The following GPI variants were observed in gnomAD, a reference collection of about 807,000 sequenced individuals.
GPI encodes glucose-6-phosphate isomerase, also known as D-hexose-6-phosphate anomerase.
Under a neutral mutation model 75.8 loss-of-function variants are expected in GPI, and 56 were observed. That is an observed-to-expected ratio of 0.74 (90% confidence interval 0.60 to 0.92). GPI has a LOEUF of 0.92. Among genes scored for constraint, GPI ranks in the 40% least tolerant of loss-of-function variants. GPI has a pLI of 0.00. For synonymous variants in GPI, 288 were observed against 285.4 expected, an observed-to-expected ratio of 1.01 and a Z score of -0.09; for missense variants, 638 against 741.0, an observed-to-expected ratio of 0.86 and a Z score of 1.61.
chr19:34,379,474 G>T (rs200733942), intron 7 of GPI, 44 bp from the exon 8 acceptor site: 1 of 1,586,254 alleles, frequency 6.3e-7, no homozygotes, highest in South Asian at 1.1e-5. Flanking sequence ...ACTACCCTTT[G>T]TCTCCCTGGG....
At chr19:34,399,171 A>G (rs775796958) in intron 14 of GPI, 36 bp from the exon 15 acceptor site, 2 of 1,601,622 alleles carry the variant, frequency 1.2e-6, no homozygotes, top group African/African-American at 1.3e-5. Flanking sequence ...AAGCCCAGAC[A>G]GTGCTCTCAA....
intron 12 of GPI, 30 bp from the exon 13 acceptor site, chr19:34,396,271 C>T (rs1201519976): frequency 5.0e-6 from 8 of 1,613,106 alleles, no homozygotes; most frequent in Non-Finnish European, 8.5e-7. Context: ...TTTCATTTTG[C>T]CAAGAACTGG....
chr19:34,367,890 G>A lies in GPI; in HGVS notation c.283-693G>A, dbSNP rs560193384. Among the ~76,000 whole-genome samples the A allele has an allele frequency of 4.6e-4, 70 of 152,272 alleles. No homozygotes were observed. In the South Asian group the frequency reaches 0.014, roughly 31 times the overall value. On this transcript the variant is annotated intron_variant, in intron 3 of 17. Transcript: ENST00000356487. ...CATTGGGAGGATGAGGTTACTTCAG[G>A]CTTCATGAGCACTCATCTTCGGAAA...
intron 4 of GPI, among the ~76,000 whole-genome samples, chr19:34,372,860 G>A (rs1037995314): frequency 5.3e-5 from 8 of 151,676 alleles, no homozygotes; most frequent in Non-Finnish European, 1.2e-4. Flanking sequence ...TGCAACCTCC[G>A]CCTCCCAGGT....
upstream of GPI, chr19:34,364,903 C>T (rs933791282): frequency 9.3e-6 from 13 of 1,400,812 alleles, 1 homozygote; most frequent in Admixed American, 1.2e-4. Flanking sequence ...GGGAGTGCAG[C>T]GGCGCGATGG....
intron 9 of GPI, among the ~76,000 whole-genome samples, chr19:34,384,956 T>C (rs1432056603): frequency 6.6e-6 from 1 of 151,358 alleles, no homozygotes; most frequent in Non-Finnish European, 1.5e-5. Flanking sequence ...GGCACCAGAA[T>C]TGCTTGAACT....
chr19:34,363,759 G>A (rs1469064497), upstream of GPI, among the ~76,000 whole-genome samples: 1 of 152,184 alleles, frequency 6.6e-6, no homozygotes, highest in Non-Finnish European at 1.5e-5. Context: ...GGTGGAGGTT[G>A]CAGTGAGCTG....
At position 34,365,295 on chromosome 19, in the gene GPI, T is replaced by G. The variant is rs1329142577; in HGVS notation, c.29T>G (p.Phe10Cys). 1.9e-6 allele frequency: 3 copies of G among 1,581,556 alleles called. No individual in the cohort carries two copies. The highest frequency in any genetic ancestry group is 3.5e-5 in the Admixed American group (2 of 57,290). ...GCCGCTCTCACCCGGGACCCCCAGT[T>G]CCAGAAGCTGCAGCAATGGTACCGC... The part of the protein sequence containing the change: MAALTRDPQ[F>C]QKLQQWYREH... Residue 10 changes from phenylalanine (F) to cysteine (C), a missense_variant, in exon 1 of 18, where the codon TTC becomes TGC. Transcript: ENST00000356487.
chr19:34,393,834 C>G lies in GPI; in HGVS notation c.909+63C>G. 2 of 1,603,466 alleles carry G rather than the reference C, an allele frequency of 1.2e-6. No individual in the cohort carries two copies. The highest frequency in any genetic ancestry group is 1.7e-6 in the Non-Finnish European group (2 of 1,171,770). ...AGAGGCGCGTGTGTTGGTCCTGGTC[C>G]CCCGCTTTCTCCCCCACTGTCCTGT... On this transcript the variant is annotated intron_variant, in intron 11 of 17. Transcript: ENST00000356487. The surrounding 1 kb of genome is among the most constrained non-coding windows in gnomAD (Gnocchi z 4.4).
At position 34,375,317 on chromosome 19, in the gene GPI, A is replaced by AT. The variant is rs879659233; in HGVS notation, c.403-2174dup. Among the ~76,000 whole-genome samples the AT allele has an allele frequency of 2.2e-3, 313 of 143,682 alleles. 1 individual carries two copies. Among genetic ancestry groups the AT allele is most frequent in the East Asian group, 3.8e-3 (19 of 4,962 alleles). The allele number at this position is 143,682 out of a possible 152,430, so 94.3% of individuals were successfully genotyped here. On this transcript the variant is annotated intron_variant, in intron 4 of 17. Coordinates refer to ENST00000356487, the MANE Select transcript of GPI (RefSeq NM_000175.5). ...GCCACCATGCCTGGATAATTTTTGTATTTTTTTTTTTTAGCAGAGACGGGG... is the reference window on the plus strand; with the variant it reads ...GCCACCATGCCTGGATAATTTTTGTATTTTTTTTTTTTTAGCAGAGACGGGG...
At chr19:34,373,885 AGAGT>A (rs1387366133) in intron 4 of GPI, among the ~76,000 whole-genome samples, 1 of 152,230 alleles carries the variant, frequency 6.6e-6, no homozygotes, top group Non-Finnish European at 1.5e-5. Context: ...TATTTCTCCC[AGAGT>A]GAGTGATCCA....
upstream of GPI, chr19:34,364,953 C>A: frequency 6.5e-7 from 1 of 1,526,860 alleles, no homozygotes. Context: ...TCCAGTGATC[C>A]CCGGGCTCTG....
At chr19:34,367,729 T>C (rs992975952) in intron 3 of GPI, among the ~76,000 whole-genome samples, 1 of 152,166 alleles carries the variant, frequency 6.6e-6, no homozygotes, top group Non-Finnish European at 1.5e-5. Flanking sequence ...CGTCACAGAC[T>C]TCAAGTCTGG....
chr19:34,393,787 G>A lies in GPI; in HGVS notation c.909+16G>A, dbSNP rs1354752553. 4.3e-6 allele frequency: 7 copies of A among 1,612,526 alleles called. No homozygotes were observed. The highest frequency in any genetic ancestry group is 1.7e-5 in the Admixed American group (1 of 60,016). ...TCACTGGATGGTGAGTGCTGAGGCT[G>A]GTTCTCTGCCAAGTGCTGGCCAGAG... On this transcript the variant is annotated intron_variant, in intron 11 of 17. Coordinates refer to ENST00000356487, the MANE Select transcript of GPI (RefSeq NM_000175.5). This position sits in a 1 kb window ranked among gnomAD's most constrained non-coding sequence, Gnocchi z 4.4.
upstream of GPI, among the ~76,000 whole-genome samples, chr19:34,361,694 A>T (rs973527170): frequency 4.5e-4 from 68 of 152,076 alleles, no homozygotes; most frequent in African/African-American, 1.5e-3. Context: ...AACATAGAAA[A>T]TCCAGGCTGG....
rs1371992414 is a variant in GPI at position 34,366,803 on chromosome 19, G to C, written c.234G>C (p.Glu78Asp). Reference protein sequence around the residue: ...LVDLAKSRGVEAARERMFNGE... With the variant: ...LVDLAKSRGVDAARERMFNGE... ...CCTAGGCCAAGTCCAGGGGCGTGGA[G>C]GCCGCCCGGGAGCGGATGTTCAATG... Residue 78 changes from glutamate to aspartate, a missense_variant, in exon 3 of 18, where the codon GAG (glutamate) becomes GAC (aspartate). By Grantham distance (45) the Glu-to-Asp change is conservative. Coordinates refer to ENST00000356487, the MANE Select transcript of GPI (RefSeq NM_000175.5). The C allele has an allele frequency of 3.7e-6, 6 of 1,613,364 alleles. No individual in the cohort carries two copies. Among genetic ancestry groups the C allele is most frequent in the Non-Finnish European group, 5.1e-6 (6 of 1,179,770 alleles).
chr19:34,383,853 GCT>G (rs1295306447), intron 9 of GPI, among the ~76,000 whole-genome samples: 16 of 152,332 alleles, frequency 1.1e-4, no homozygotes, highest in African/African-American at 3.8e-4. Flanking sequence ...TCAACACTGG[GCT>G]CTCACCAGGC....
At position 34,400,327 on chromosome 19, in the gene GPI, G is replaced by A. The variant is rs574811402; in HGVS notation, c.*291G>A. On this transcript the variant is annotated 3_prime_UTR_variant, in exon 18 of 18. Transcript: ENST00000356487. ...GTAGAAAAATAAAGATGCCACGGAG[G>A]AGGTTGTAGGCTCAGCCTCTGATTT... 1 of 596,904 alleles carries A rather than the reference G, an allele frequency of 1.7e-6. No homozygotes were observed. Among genetic ancestry groups the A allele is most frequent in the South Asian group, 2.0e-5 (1 of 49,622 alleles). The allele number at this position is 596,904 out of a possible 1,614,324, so 37.0% of individuals were successfully genotyped here.
chr19:34,384,738 G>C (rs1052297431), intron 9 of GPI, among the ~76,000 whole-genome samples: 1 of 152,152 alleles, frequency 6.6e-6, no homozygotes, highest in African/African-American at 2.4e-5. Context: ...GGATTTCCCA[G>C]GTGGTGTCAA....
Sources: gnomAD v4.1 joint callset for allele counts (sites outside exome capture counted in the v4.1 genomes callset) on GRCh38, gnomAD v4.1.1 for gene constraint, Gnocchi (gnomAD v3.1) non-coding constraint, MANE v1.5 for transcripts, NCBI Gene and HGNC (gene_info 2026-07-23, HGNC 2026-07-21) for gene names.